The following KCNU1 variants were observed in gnomAD, a reference collection of about 807,000 sequenced individuals.
KCNU1 encodes the protein potassium calcium-activated channel subfamily U member 1.
In KCNU1, 93 loss-of-function variants were observed where a neutral mutation model predicts 126.8. The observed-to-expected ratio is 0.73, with a 90% CI of 0.62 to 0.87. KCNU1 has a LOEUF of 0.87. Ranked by LOEUF, KCNU1 falls within the 40% of genes least tolerant of loss-of-function variation. The pLI, the probability that KCNU1 is intolerant of heterozygous loss-of-function variation, is 0.00. For synonymous variants in KCNU1, 523 were observed against 494.2 expected (o/e 1.06, Z -0.77); for missense variants, 1,330 against 1,367.1 (o/e 0.97, Z 0.43).
chr8:36,868,063 C>T (rs111876136), intron 19 of KCNU1, among the ~76,000 whole-genome samples: 17 of 152,226 alleles, frequency 1.1e-4, no homozygotes, highest in African/African-American at 3.1e-4. Context: ...ACGAGAGCCA[C>T]GCTTCAGAGT....
At chr8:36,792,338 T>G (rs1429236225) in intron 2 of KCNU1, among the ~76,000 whole-genome samples, 1 of 152,190 alleles carries the variant, frequency 6.6e-6, no homozygotes, top group Non-Finnish European at 1.5e-5. Flanking sequence ...GTGTTACTTC[T>G]GTGGCACTTC....
chr8:36,930,198 T>A (rs921316698), intron 24 of KCNU1, among the ~76,000 whole-genome samples: 2 of 152,142 alleles, frequency 1.3e-5, no homozygotes, highest in African/African-American at 4.8e-5. Context: ...TATATTCCAA[T>A]GACCTTTCCA....
At chr8:36,896,885 G>C (rs1357485338) in intron 19 of KCNU1, among the ~76,000 whole-genome samples, 1 of 152,036 alleles carries the variant, frequency 6.6e-6, no homozygotes, top group East Asian at 1.9e-4. Context: ...TATTAAGATA[G>C]TTTCATACAG....
chr8:36,872,910 G>A (rs955053594), intron 19 of KCNU1, among the ~76,000 whole-genome samples: 2 of 152,112 alleles, frequency 1.3e-5, no homozygotes, highest in Non-Finnish European at 2.9e-5. Context: ...CTGAGGTCAG[G>A]AGTTTGAGAC....
In KCNU1 at chr8:36,935,980, C is replaced by T; in HGVS notation, c.*60C>T. 2 of 1,402,252 alleles carry T rather than the reference C, an allele frequency of 1.4e-6. No individual in the cohort carries two copies. Among genetic ancestry groups the T allele is most frequent in the South Asian group, 1.5e-5 (1 of 67,932 alleles). The allele number at this position is 1,402,252 out of a possible 1,614,324, so 86.9% of individuals were successfully genotyped here. ...TGCTTACAAATCATCTCCTGAGATG[C>T]TAACTTTGAACAAAGAAAATAAGAA... On this transcript the variant is annotated 3_prime_UTR_variant, in exon 27 of 27. Coordinates refer to ENST00000399881, the MANE Select transcript of KCNU1 (RefSeq NM_001031836.3).
rs1400478018 is a variant in KCNU1 at position 36,909,489 on chromosome 8, G to T, written c.2285G>T (p.Arg762Ile). Residue 762 changes from arginine (R) to isoleucine (I), a missense_variant, in exon 21 of 27, where the codon AGA becomes ATA. Physicochemically the swap from Arg to Ile is moderately conservative, Grantham distance 97 (BLOSUM62 -3). Coordinates refer to ENST00000399881, the MANE Select transcript of KCNU1 (RefSeq NM_001031836.3). ...ATTGGGTCTCTGGACTATCTACAGA[G>T]AGAATGGCGATTTCTCTGGAATTTT... The part of the protein sequence containing the change: ...VFIGSLDYLQ[R>I]EWRFLWNFPQ... The T allele has an allele frequency of 3.1e-6, 5 of 1,613,120 alleles. No individual in the cohort carries two copies. The highest frequency in any genetic ancestry group is 4.2e-6 in the Non-Finnish European group (5 of 1,179,258).
intron 22 of KCNU1, among the ~76,000 whole-genome samples, chr8:36,912,875 T>G (rs1807939136): frequency 7.7e-6 from 1 of 130,346 alleles, no homozygotes; most frequent in South Asian, 2.3e-4. Context: ...GGCTGAGGCA[T>G]GAAAATCCCT....
At position 36,815,617 on chromosome 8, in the gene KCNU1, C is replaced by T. The variant is rs373536664; in HGVS notation, c.925C>T (p.Pro309Ser). Residue 309 changes from proline to serine, a missense_variant, in exon 9 of 27, where the codon CCT becomes TCT. Physicochemically the swap from Pro to Ser is moderately conservative, Grantham distance 74. This residue lies in a region of KCNU1 where 1,054 missense variants were observed against 1,053.9 expected (regional missense o/e 1.00). Transcript: ENST00000399881. ...TTAGATATTATTTGCGAACTATATA[C>T]CTGAAATGGTGGAACTGTTTGCTAA... ...GSLILFANYI[P>S]EMVELFANKR... is the part of the protein sequence containing the mutation. 22 of 1,586,680 alleles carry T rather than the reference C, an allele frequency of 1.4e-5. No individual in the cohort carries two copies. Among genetic ancestry groups the T allele is most frequent in the Non-Finnish European group, 1.8e-5 (21 of 1,163,636 alleles).
chr8:36,833,890 A>T (rs994047091), intron 11 of KCNU1, among the ~76,000 whole-genome samples: 1 of 152,154 alleles, frequency 6.6e-6, no homozygotes, highest in Non-Finnish European at 1.5e-5. Flanking sequence ...TATTTAAATT[A>T]TTTATTTCTC....
intron 19 of KCNU1, among the ~76,000 whole-genome samples, chr8:36,903,893 A>C (rs1272154382): frequency 2.0e-5 from 3 of 152,092 alleles, no homozygotes; most frequent in Non-Finnish European, 4.4e-5. Flanking sequence ...AAACCATCAG[A>C]TCTCCTGAGA....
chr8:36,818,319 A>G (rs1803995764), intron 10 of KCNU1, among the ~76,000 whole-genome samples: 1 of 152,074 alleles, frequency 6.6e-6, no homozygotes. Context: ...CTAATTTTCT[A>G]TGTTTTGACT....
chr8:36,812,508 T>C (rs1048203195), intron 7 of KCNU1, among the ~76,000 whole-genome samples: 32 of 152,124 alleles, frequency 2.1e-4, no homozygotes, highest in African/African-American at 5.1e-4. Flanking sequence ...ATAGCTAATA[T>C]AAATGTTGAT....
At chr8:36,793,216 AG>A (rs1302209777) in intron 2 of KCNU1, among the ~76,000 whole-genome samples, 6 of 58,606 alleles carry the variant, frequency 1.0e-4, no homozygotes, top group Admixed American at 2.0e-4. Flanking sequence ...GGATAGGGGG[AG>A]GGGGGAGGGA....
At position 36,936,086 on chromosome 8, in the gene KCNU1, C is replaced by T. The variant is rs1808850045; in HGVS notation, c.*166C>T. On this transcript the variant is annotated 3_prime_UTR_variant, in exon 27 of 27. Transcript: ENST00000399881. Reference sequence around the variant, plus strand: ...TTTGGGTGAGACAAAAGTCTAATGCCACTGGATCTTGTGTGATAAATAAAG... The same window carrying T: ...TTTGGGTGAGACAAAAGTCTAATGCTACTGGATCTTGTGTGATAAATAAAG... 3.8e-6 allele frequency: 2 copies of T among 533,234 alleles called. No homozygotes were observed. Among genetic ancestry groups the T allele is most frequent in the Admixed American group, 3.6e-5 (1 of 27,494 alleles). 33.0% of individuals were successfully genotyped at this position (533,234 alleles called of 1,614,324 possible).
Position 36,815,478 on chromosome 8 carries a change from T to C in KCNU1, c.904-118T>C, listed in dbSNP as rs181333434. 3.3e-5 allele frequency: 18 copies of C among 551,594 alleles called. No individual in the cohort carries two copies. The African/African-American group carries it at 3.5e-4, about 11-fold the overall frequency. 34.2% of individuals were successfully genotyped at this position (551,594 alleles called of 1,614,324 possible). On this transcript the variant is annotated intron_variant, in intron 8 of 26. Transcript: ENST00000399881. ...ACGAGGTCCCTTTAACATGCTATCA[T>C]GTGCTCTTAGATGACAGAAAGTTTT...
intron 2 of KCNU1, among the ~76,000 whole-genome samples, chr8:36,802,817 A>T (rs1803360840): frequency 6.6e-6 from 1 of 152,128 alleles, no homozygotes; most frequent in South Asian, 2.1e-4. Context: ...AATTATCTTC[A>T]TTTGTCATCC....
chr8:36,926,337 G>C (rs1235453426), intron 24 of KCNU1, among the ~76,000 whole-genome samples: 1 of 152,072 alleles, frequency 6.6e-6, no homozygotes, highest in African/African-American at 2.4e-5. Flanking sequence ...TGCAACACAG[G>C]GATTTTCAAG....
intron 16 of KCNU1, among the ~76,000 whole-genome samples, chr8:36,841,920 G>A (rs1563289236): frequency 6.6e-6 from 1 of 151,514 alleles, no homozygotes; most frequent in Non-Finnish European, 1.5e-5. Flanking sequence ...AACATAAATG[G>A]AAGAAAAGGT....
At chr8:36,881,800 AC>A (rs1806491081) in intron 19 of KCNU1, among the ~76,000 whole-genome samples, 1 of 13,408 alleles carries the variant, frequency 7.5e-5, no homozygotes. Flanking sequence ...GTCAAATCAC[AC>A]ACACACACAC....
Sources: gnomAD v4.1 joint callset for allele counts (sites outside exome capture counted in the v4.1 genomes callset) on GRCh38, gnomAD v4.1.1 for gene constraint, gnomAD v4.1.1 regional missense constraint, MANE v1.5 for transcripts, NCBI Gene and HGNC (gene_info 2026-07-23, HGNC 2026-07-21) for gene names.